The following ADGRL3 variants were observed in gnomAD, a reference collection of about 807,000 sequenced individuals.
The protein encoded by ADGRL3 is adhesion G protein-coupled receptor L3, also known as calcium-independent alpha-latrotoxin receptor 3.
In ADGRL3, 62 loss-of-function variants were observed where a neutral mutation model predicts 153.5. The ratio of observed to expected loss-of-function variants is 0.40; its 90% CI spans 0.33 to 0.50. The LOEUF (loss-of-function observed/expected upper bound fraction) is 0.50, where lower values mean the gene tolerates loss of function less well. Among genes scored for constraint, ADGRL3 ranks in the 20% least tolerant of loss-of-function variants. ADGRL3 has a pLI of 0.47. For missense variants in ADGRL3, 1,641 were observed against 1,859.4 expected, an observed-to-expected ratio of 0.88 and a Z score of 2.16; for synonymous variants, 710 against 672.5, an observed-to-expected ratio of 1.06 and a Z score of -0.86.
intron 4 of ADGRL3, among the ~76,000 whole-genome samples, chr4:61,556,787 G>A (rs2098769210): frequency 6.6e-6 from 1 of 152,158 alleles, no homozygotes; most frequent in Non-Finnish European, 1.5e-5. Flanking sequence ...AGTTATTGAG[G>A]TTGTGTCAAG....
intron 10 of ADGRL3, among the ~76,000 whole-genome samples, 165 bp downstream of exon 10, chr4:61,893,123 CTT>C (rs1418385029): frequency 6.8e-6 from 1 of 146,744 alleles, no homozygotes; most frequent in African/African-American, 2.5e-5. Context: ...TTCTTTCTCT[CTT>C]TCTCTCTTTC....
rs193282262 is a variant in ADGRL3, at chr4:61,415,299, A to T, written c.-174+32110A>T. Among the ~76,000 whole-genome samples the T allele has an allele frequency of 3.9e-5, 6 of 152,098 alleles. No individual in the cohort carries two copies. In the East Asian group the frequency reaches 9.7e-4, roughly 24 times the overall value. On this transcript the variant is annotated intron_variant, in intron 2 of 26. Coordinates refer to ENST00000683033, the MANE Select transcript of ADGRL3 (RefSeq NM_001387552.1). ...TCTTTCACGTATTGGTAATTATTGA[A>T]AAATATTATTTATAAGTACTTGCCT...
chr4:61,623,007 T>G (rs990304099), intron 5 of ADGRL3, among the ~76,000 whole-genome samples: 3 of 152,152 alleles, frequency 2.0e-5, no homozygotes, highest in African/African-American at 7.2e-5. Context: ...AAAAAATTAA[T>G]GTTCTAGAGG....
chr4:61,373,540 C>T lies in ADGRL3; in HGVS notation c.-239-9584C>T, dbSNP rs2096566605. Among the ~76,000 whole-genome samples the T allele has an allele frequency of 7.9e-5, 12 of 152,136 alleles. No individual in the cohort carries two copies. The South Asian group carries it at 2.5e-3, about 32-fold the overall frequency. ...GCATTTCCTTTATATCTCTTGAATG[C>T]ATACTTCAAAACGAATTGATTACAT... On this transcript the variant is annotated intron_variant, in intron 1 of 26. Coordinates refer to ENST00000683033, the MANE Select transcript of ADGRL3 (RefSeq NM_001387552.1).
At chr4:61,735,136 A>G (rs115504623) in intron 8 of ADGRL3, among the ~76,000 whole-genome samples, 1,807 of 152,286 alleles carry the variant, frequency 0.012, 47 homozygotes, top group African/African-American at 0.041. Context: ...TTCTCTTAAC[A>G]TTATTTGTCT....
At chr4:61,889,178 G>C (rs2098555813) in intron 9 of ADGRL3, among the ~76,000 whole-genome samples, 1 of 152,180 alleles carries the variant, frequency 6.6e-6, no homozygotes, top group Non-Finnish European at 1.5e-5. Flanking sequence ...ACACATATTA[G>C]TGTATAACCC....
intron 19 of ADGRL3, among the ~76,000 whole-genome samples, chr4:61,995,953 A>G (rs1198030246): frequency 2.6e-5 from 4 of 152,164 alleles, no homozygotes; most frequent in African/African-American, 4.8e-5. Flanking sequence ...AGAGAAAAGG[A>G]TAGCTTAAAG....
intron 4 of ADGRL3, among the ~76,000 whole-genome samples, chr4:61,546,163 T>G (rs1472002638): frequency 6.6e-6 from 1 of 152,154 alleles, no homozygotes; most frequent in Non-Finnish European, 1.5e-5. Flanking sequence ...AGACACAAAT[T>G]GAGTCATATC....
intron 25 of ADGRL3, among the ~76,000 whole-genome samples, chr4:62,051,065 C>G (rs1560554969): frequency 6.7e-6 from 1 of 148,488 alleles, no homozygotes; most frequent in African/African-American, 2.5e-5. Context: ...CAACAGCGTT[C>G]TGTGTGTGTG....
At chr4:61,336,499 T>C (rs1299960744) in intron 1 of ADGRL3, among the ~76,000 whole-genome samples, 1 of 119,948 alleles carries the variant, frequency 8.3e-6, no homozygotes, top group African/African-American at 2.7e-5. Flanking sequence ...ACGGTCTATC[T>C]GTTTGGGCTT....
intron 26 of ADGRL3, among the ~76,000 whole-genome samples, chr4:62,068,530 C>G (rs147506758): frequency 6.6e-6 from 1 of 152,202 alleles, no homozygotes; most frequent in Non-Finnish European, 1.5e-5. Flanking sequence ...AACATATCCA[C>G]TTTATTTTAC....
intron 2 of ADGRL3, among the ~76,000 whole-genome samples, chr4:61,416,973 G>A (rs150121498): frequency 0.03 from 4,620 of 152,094 alleles, 225 homozygotes; most frequent in East Asian, 0.21. Context: ...CAGATCATCA[G>A]GCATTAGATT....
At chr4:61,987,869 T>G (rs1029092148) in intron 19 of ADGRL3, among the ~76,000 whole-genome samples, 2 of 41,924 alleles carry the variant, frequency 4.8e-5, no homozygotes, top group African/African-American at 1.1e-4. Flanking sequence ...CCCTTTTCTC[T>G]CCTATTAATG....
intron 21 of ADGRL3, among the ~76,000 whole-genome samples, chr4:62,006,386 G>T (rs2099159353): frequency 6.6e-6 from 1 of 151,910 alleles, no homozygotes; most frequent in Non-Finnish European, 1.5e-5. Flanking sequence ...TTGGCTTGGG[G>T]TACTAGAACA....
intron 25 of ADGRL3, among the ~76,000 whole-genome samples, chr4:62,060,019 T>C (rs1739206702): frequency 6.6e-6 from 1 of 152,074 alleles, no homozygotes; most frequent in Non-Finnish European, 1.5e-5. Flanking sequence ...AGAATTCCAA[T>C]ATGAAACTCC....
intron 5 of ADGRL3, among the ~76,000 whole-genome samples, chr4:61,626,037 T>C (rs2092810058): frequency 1.3e-5 from 2 of 152,030 alleles, no homozygotes; most frequent in South Asian, 4.1e-4. Context: ...ACTCTACAGT[T>C]TAAAATATAT....
intron 1 of ADGRL3, among the ~76,000 whole-genome samples, chr4:61,343,642 T>C (rs1232455527): frequency 6.6e-6 from 1 of 152,172 alleles, no homozygotes. Flanking sequence ...ACCTGGATGT[T>C]AACATGAAAA....
At chr4:61,320,663 T>A (rs1462402995) in intron 1 of ADGRL3, among the ~76,000 whole-genome samples, 1 of 152,214 alleles carries the variant, frequency 6.6e-6, no homozygotes, top group Non-Finnish European at 1.5e-5. Flanking sequence ...TGACTGTAAA[T>A]GTTATAACAT....
intron 3 of ADGRL3, among the ~76,000 whole-genome samples, chr4:61,505,505 A>C (rs2098422334): frequency 6.6e-6 from 1 of 152,104 alleles, no homozygotes; most frequent in Admixed American, 6.6e-5. Flanking sequence ...GAGTTCTATT[A>C]GTTTTCAATT....
Sources: gnomAD v4.1 joint callset for allele counts (sites outside exome capture counted in the v4.1 genomes callset) on GRCh38, gnomAD v4.1.1 for gene constraint, MANE v1.5 for transcripts, NCBI Gene and HGNC (gene_info 2026-07-23, HGNC 2026-07-21) for gene names.